LURAP1L: variants seen among roughly 807,000 people sequenced by gnomAD.
LURAP1L encodes leucine rich adaptor protein 1 like, also known as leucine rich adaptor protein 1-like.
LURAP1L carries 12 observed loss-of-function variants against 13.8 expected under a neutral mutation model. That is an observed-to-expected ratio of 0.87 (90% CI 0.56 to 1.41). The LOEUF is 1.41. LURAP1L is among the 40% of genes most tolerant of loss of function. The pLI, the probability that LURAP1L is intolerant of heterozygous loss-of-function variation, is 0.00. For missense variants in LURAP1L, 375 were observed against 292.9 expected (o/e 1.28, Z -2.04); for synonymous variants, 139 against 119.2 (o/e 1.17, Z -1.08).
chr9:12,818,995 A>G (rs1467223390), intron 1 of LURAP1L, among the ~76,000 whole-genome samples: 1 of 152,154 alleles, frequency 6.6e-6, no homozygotes, highest in Non-Finnish European at 1.5e-5. Context: ...TGTTTGTTAT[A>G]TTACTTGTAA....
rs117585408 is a variant in LURAP1L at position 12,815,682 on chromosome 9, G to A, written c.313-5704G>A. On this transcript the variant is annotated intron_variant, in intron 1 of 1. Coordinates refer to ENST00000319264, the MANE Select transcript of LURAP1L (RefSeq NM_203403.2). ...CTAGTTGACATTCATAAATAAAAGG[G>A]TAACAATAATGGAGGAGGGCTTTAT... Among the ~76,000 whole-genome samples the A allele has an allele frequency of 9.8e-3, 1,499 of 152,202 alleles. 12 individuals carry two copies. The highest frequency in any genetic ancestry group is 0.048 in the Middle Eastern group (14 of 294).
intron 1 of LURAP1L, among the ~76,000 whole-genome samples, chr9:12,807,020 C>CAAAAAAAAA (rs71329888): frequency 9.1e-5 from 2 of 21,884 alleles, no homozygotes; most frequent in African/African-American, 3.4e-4. Context: ...GACTCCGTCT[C>CAAAAAAAAA]AAAAAAAAAA....
intron 1 of LURAP1L, among the ~76,000 whole-genome samples, chr9:12,807,220 C>T (rs1019627716): frequency 3.3e-5 from 5 of 150,268 alleles, no homozygotes; most frequent in Non-Finnish European, 7.4e-5. Flanking sequence ...GAGCTGAGAT[C>T]GTGCCACTGC....
chr9:12,815,312 A>T (rs552626914), intron 1 of LURAP1L, among the ~76,000 whole-genome samples: 359 of 152,272 alleles, frequency 2.4e-3, no homozygotes, highest in African/African-American at 8.4e-3. Context: ...ACAATACTCC[A>T]AGTGCTTTTA....
Position 12,808,463 on chromosome 9 carries a change from C to G in LURAP1L, c.313-12923C>G, listed in dbSNP as rs79651888. 2.3e-3 allele frequency among the ~76,000 whole-genome samples: 344 copies of G among 152,048 alleles called. 15 individuals are homozygous for G. In the East Asian group the frequency reaches 0.058, roughly 26 times the overall value. On this transcript the variant is annotated intron_variant, in intron 1 of 1. Transcript: ENST00000319264. ...CACCCCCAGAACTTTTTTATTTTTCCCAAACTTCTTCACTTTTGAAGGATA... is the reference window on the plus strand; with the variant it reads ...CACCCCCAGAACTTTTTTATTTTTCGCAAACTTCTTCACTTTTGAAGGATA...
chr9:12,794,189 G>C (rs1819482999), intron 1 of LURAP1L, among the ~76,000 whole-genome samples: 1 of 151,994 alleles, frequency 6.6e-6, no homozygotes, highest in Admixed American at 6.6e-5. Context: ...CCATGCAGCA[G>C]CCAATATAAA....
chr9:12,796,532 A>G (rs1302149668), intron 1 of LURAP1L, among the ~76,000 whole-genome samples: 1 of 151,960 alleles, frequency 6.6e-6, no homozygotes, highest in Non-Finnish European at 1.5e-5. Context: ...AATATTGGAT[A>G]TTTAACTTGT....
chr9:12,801,197 C>T (rs893487098), intron 1 of LURAP1L, among the ~76,000 whole-genome samples: 5 of 152,008 alleles, frequency 3.3e-5, no homozygotes, highest in Non-Finnish European at 7.4e-5. Context: ...ATTGCAATTT[C>T]ACATGGCACC....
At chr9:12,799,190 T>C (rs1164806227) in intron 1 of LURAP1L, among the ~76,000 whole-genome samples, 4 of 152,216 alleles carry the variant, frequency 2.6e-5, no homozygotes, top group Non-Finnish European at 4.4e-5. Flanking sequence ...GTCATCAAGC[T>C]TGTGTCCACA....
chr9:12,819,541 T>C (rs57418392), intron 1 of LURAP1L, among the ~76,000 whole-genome samples: 3,079 of 152,324 alleles, frequency 0.02, 111 homozygotes, highest in African/African-American at 0.069. Flanking sequence ...CAAGAATGAA[T>C]GTCTGATAAT....
At chr9:12,796,810 C>T (rs1470546613) in intron 1 of LURAP1L, among the ~76,000 whole-genome samples, 4 of 151,554 alleles carry the variant, frequency 2.6e-5, no homozygotes, top group Admixed American at 1.3e-4. Flanking sequence ...ATCCCAGCCC[C>T]TTCACTTTCT....
intron 1 of LURAP1L, among the ~76,000 whole-genome samples, chr9:12,797,527 T>C (rs918243242): frequency 2.0e-5 from 3 of 152,190 alleles, no homozygotes; most frequent in African/African-American, 7.2e-5. Flanking sequence ...GGATTGTATT[T>C]TTAAACCTGT....
At chr9:12,805,797 C>T (rs996388098) in intron 1 of LURAP1L, among the ~76,000 whole-genome samples, 2 of 152,156 alleles carry the variant, frequency 1.3e-5, no homozygotes, top group Non-Finnish European at 2.9e-5. Context: ...CTGTTTTATA[C>T]ACCTGTTTTA....
intron 1 of LURAP1L, among the ~76,000 whole-genome samples, chr9:12,789,790 T>G (rs1240125969): frequency 1.3e-5 from 2 of 152,168 alleles, no homozygotes; most frequent in Admixed American, 1.3e-4. Context: ...GATGTTCATA[T>G]AGGTTTTTAG....
chr9:12,808,832 A>G (rs1001520255), intron 1 of LURAP1L, among the ~76,000 whole-genome samples: 3 of 152,080 alleles, frequency 2.0e-5, no homozygotes, highest in African/African-American at 7.2e-5. Context: ...TCCTCCTTCC[A>G]GTATTCCCAT....
rs1056908942 is a variant in LURAP1L, at chr9:12,821,633, C to T, written c.560C>T (p.Ala187Val). ...GTGGGAAGTTATCTGGACACGTTGG[C>T]GGATGATGTCCCAGGCCATCAGACC... is the stretch of plus-strand genomic sequence containing the variant. ...ISVGSYLDTLADDVPGHQTPS... is the reference protein window; with the variant it reads ...ISVGSYLDTLVDDVPGHQTPS... The change falls in exon 2 of 2, where the codon GCG becomes GTG. Residue 187 changes from alanine (A) to valine (V), a missense_variant. Coordinates refer to ENST00000319264, the MANE Select transcript of LURAP1L (RefSeq NM_203403.2). 2.5e-6 allele frequency: 4 copies of T among 1,614,180 alleles called. No homozygotes were observed. Among genetic ancestry groups the T allele is most frequent in the Non-Finnish European group, 2.5e-6 (3 of 1,180,044 alleles).
intron 1 of LURAP1L, among the ~76,000 whole-genome samples, chr9:12,820,798 T>G (rs1429162576): frequency 6.6e-6 from 1 of 152,160 alleles, no homozygotes; most frequent in Non-Finnish European, 1.5e-5. Flanking sequence ...GTCTTTTTTG[T>G]ACTCTTAACT....
intron 1 of LURAP1L, among the ~76,000 whole-genome samples, chr9:12,793,381 T>C (rs891298269): frequency 6.6e-6 from 1 of 152,114 alleles, no homozygotes; most frequent in African/African-American, 2.4e-5. Context: ...GTGATACTTA[T>C]CAGTGTACTT....
intron 1 of LURAP1L, among the ~76,000 whole-genome samples, chr9:12,816,025 T>C (rs1360697831): frequency 1.3e-5 from 2 of 152,202 alleles, no homozygotes; most frequent in Non-Finnish European, 2.9e-5. Flanking sequence ...TTGATTCTTC[T>C]GTCTCCTCTA....
Sources: gnomAD v4.1 joint callset for allele counts (sites outside exome capture counted in the v4.1 genomes callset) on GRCh38, gnomAD v4.1.1 for gene constraint, MANE v1.5 for transcripts, NCBI Gene and HGNC (gene_info 2026-07-23, HGNC 2026-07-21) for gene names.